Variants in ROBO2 observed in about 807,000 individuals in gnomAD.
ROBO2 encodes the protein roundabout homolog 2.
A neutral mutation model predicts 160.8 loss-of-function variants in ROBO2; 53 were observed. The observed-to-expected ratio is 0.33, with a 90% confidence interval of 0.26 to 0.41. The LOEUF is 0.41. ROBO2 is among the 10% of genes least tolerant of loss of function. The probability of loss-of-function intolerance (pLI) is 1.00; values close to 1 mark genes in which losing one functional copy is unlikely to be tolerated. For synonymous variants in ROBO2, 664 were observed against 611.7 expected (o/e 1.09, Z -1.26); for missense variants, 1,577 against 1,722.4 (o/e 0.92, Z 1.49).
intron 2 of ROBO2, among the ~76,000 whole-genome samples, chr3:76,654,878 C>T (rs544333255): frequency 1.5e-3 from 201 of 132,920 alleles, no homozygotes; most frequent in African/African-American, 5.0e-3. Flanking sequence ...TATATGTGTG[C>T]GTATATACAT....
intron 2 of ROBO2, among the ~76,000 whole-genome samples, chr3:76,657,069 T>A (rs1479380606): frequency 6.6e-6 from 1 of 152,182 alleles, no homozygotes; most frequent in Non-Finnish European, 1.5e-5. Context: ...TCCTCTTTTT[T>A]TTCCCTATAC....
intron 9 of ROBO2, among the ~76,000 whole-genome samples, chr3:77,561,949 C>G (rs1382617205): frequency 6.6e-6 from 1 of 151,820 alleles, no homozygotes; most frequent in Non-Finnish European, 1.5e-5. Flanking sequence ...ACTAAAAATA[C>G]AATGTTAGTC....
chr3:76,567,763 CTGTGTGTGTGTGTGTGTG>C (rs71101900), intron 2 of ROBO2, among the ~76,000 whole-genome samples: 2 of 88,368 alleles, frequency 2.3e-5, no homozygotes, highest in South Asian at 8.0e-4. Flanking sequence ...ATATATCTGT[CTGTGTGTGTGTGTGTGTG>C]TGTGTGTGTG....
At chr3:77,159,703 T>C (rs1311265464) in intron 2 of ROBO2, among the ~76,000 whole-genome samples, 1 of 152,170 alleles carries the variant, frequency 6.6e-6, no homozygotes, top group Non-Finnish European at 1.5e-5. Context: ...ACTTGGGTAA[T>C]TTAATAAGGA....
intron 2 of ROBO2, among the ~76,000 whole-genome samples, chr3:76,688,006 T>G (rs2092719819): frequency 1.3e-5 from 2 of 151,826 alleles, no homozygotes. Flanking sequence ...TATGAAATGT[T>G]AAAGTATTCA....
chr3:77,106,996 G>A lies in ROBO2; in HGVS notation c.388+8656G>A, dbSNP rs115678623. ...ACTCTGGATGTCTTAGTCTGTTCAA[G>A]CTACTACAAGAAAATACCATAAACT... On this transcript the variant is annotated intron_variant, in intron 2 of 25. Transcript: ENST00000461745. 8.8e-3 allele frequency among the ~76,000 whole-genome samples: 1,347 copies of A among 152,260 alleles called. 21 individuals are homozygous for A. The highest frequency in any genetic ancestry group is 0.031 in the African/African-American group (1,285 of 41,550).
intron 2 of ROBO2, among the ~76,000 whole-genome samples, chr3:76,689,957 C>G (rs1167326735): frequency 6.6e-6 from 1 of 152,128 alleles, no homozygotes; most frequent in Non-Finnish European, 1.5e-5. Context: ...ACTCCCTCCT[C>G]CTTGAGAATT....
chr3:77,187,590 A>T (rs1560191746), intron 2 of ROBO2, among the ~76,000 whole-genome samples: 1 of 151,942 alleles, frequency 6.6e-6, no homozygotes, highest in Non-Finnish European at 1.5e-5. Flanking sequence ...TCTGTGGATC[A>T]TCCTTACAGT....
chr3:76,602,451 G>T (rs1415151010), intron 2 of ROBO2, among the ~76,000 whole-genome samples: 1 of 152,224 alleles, frequency 6.6e-6, no homozygotes, highest in African/African-American at 2.4e-5. Flanking sequence ...AAAAGAAGAG[G>T]TTTAATTCAA....
intron 2 of ROBO2, among the ~76,000 whole-genome samples, chr3:76,119,132 A>T (rs926951932): frequency 6.6e-6 from 1 of 152,184 alleles, no homozygotes; most frequent in African/African-American, 2.4e-5. Context: ...AGCTGTGTTA[A>T]ATTGCTTATG....
chr3:76,475,649 A>G (rs1487698584), intron 2 of ROBO2, among the ~76,000 whole-genome samples: 3 of 152,196 alleles, frequency 2.0e-5, no homozygotes, highest in East Asian at 1.9e-4. Flanking sequence ...TTCGTAAAAT[A>G]CCTCTTTAAT....
chr3:77,306,150 T>A (rs1001548257), intron 2 of ROBO2, among the ~76,000 whole-genome samples: 8 of 152,150 alleles, frequency 5.3e-5, no homozygotes, highest in African/African-American at 1.9e-4. Context: ...AATAGTAAAT[T>A]CATTATAATA....
At chr3:77,322,307 G>GA (rs1444374294) in intron 2 of ROBO2, among the ~76,000 whole-genome samples, 2 of 152,006 alleles carry the variant, frequency 1.3e-5, no homozygotes, top group African/African-American at 2.4e-5. Context: ...TGTATGACTG[G>GA]AAAAAAATCT....
intron 23 of ROBO2, among the ~76,000 whole-genome samples, chr3:77,626,801 G>A (rs2095037603): frequency 6.6e-6 from 1 of 152,152 alleles, no homozygotes; most frequent in Non-Finnish European, 1.5e-5. Flanking sequence ...AAGTTTCCTT[G>A]ACTGCTGGAC....
At chr3:76,337,848 A>AAAATTTTATT (rs1294239733) in intron 2 of ROBO2, among the ~76,000 whole-genome samples, 8 of 152,210 alleles carry the variant, frequency 5.3e-5, no homozygotes, top group African/African-American at 1.7e-4. Context: ...TATTGTTAAT[A>AAAATTTTATT]AAACCCAACG....
At chr3:76,128,773 T>C (rs563516529) in intron 2 of ROBO2, among the ~76,000 whole-genome samples, 37 of 152,270 alleles carry the variant, frequency 2.4e-4, no homozygotes, top group Middle Eastern at 3.4e-3. Flanking sequence ...TTTTTTCTTA[T>C]ACTGTATTTT....
intron 2 of ROBO2, among the ~76,000 whole-genome samples, chr3:76,318,260 A>T (rs1302194718): frequency 6.6e-6 from 1 of 152,152 alleles, no homozygotes; most frequent in Non-Finnish European, 1.5e-5. Context: ...ACTACTGCCT[A>T]GGTAGCAGAC....
intron 2 of ROBO2, among the ~76,000 whole-genome samples, chr3:77,371,184 G>T (rs1223147548): frequency 6.6e-6 from 1 of 152,146 alleles, no homozygotes; most frequent in Non-Finnish European, 1.5e-5. Flanking sequence ...AGGGATCAAG[G>T]TTGGTGATTT....
At chr3:77,474,000 T>C (rs1175549173) in intron 2 of ROBO2, among the ~76,000 whole-genome samples, 1 of 152,142 alleles carries the variant, frequency 6.6e-6, no homozygotes, top group Non-Finnish European at 1.5e-5. Flanking sequence ...GTTTCTTACC[T>C]GCCTAAAGTC....
Sources: gnomAD v4.1 joint callset for allele counts (sites outside exome capture counted in the v4.1 genomes callset) on GRCh38, gnomAD v4.1.1 for gene constraint, MANE v1.5 for transcripts, NCBI Gene and HGNC (gene_info 2026-07-23, HGNC 2026-07-21) for gene names.